TIRAP: variants seen among roughly 807,000 people sequenced by gnomAD.
TIRAP encodes the protein toll/interleukin-1 receptor domain-containing adapter protein.
In TIRAP, 20 loss-of-function variants were observed where a neutral mutation model predicts 19.8. The ratio of observed to expected loss-of-function variants is 1.01; its 90% CI spans 0.71 to 1.47. TIRAP has a LOEUF of 1.47. Among genes scored for constraint, TIRAP ranks in the 40% most tolerant of loss-of-function variants. The pLI, the probability that TIRAP is intolerant of heterozygous loss-of-function variation, is 0.00. For missense variants in TIRAP, 276 were observed against 285.1 expected, an observed-to-expected ratio of 0.97 and a Z score of 0.23; for synonymous variants, 125 against 121.7, an observed-to-expected ratio of 1.03 and a Z score of -0.18.
Position 126,293,719 on chromosome 11 carries a change from G to A in TIRAP, c.*32G>A. 1 of 1,613,766 alleles carries A rather than the reference G, an allele frequency of 6.2e-7. No individual in the cohort carries two copies. The highest frequency in any genetic ancestry group is 8.5e-7 in the Non-Finnish European group (1 of 1,179,666). ...TTATATCATGGGACCCCGGAAATTG[G>A]AGTGAAGCTAGAAACAGAAAACCCA... On this transcript the variant is annotated 3_prime_UTR_variant, in exon 5 of 5. Coordinates refer to ENST00000392679, the MANE Select transcript of TIRAP (RefSeq NM_001318777.2).
Position 126,291,286 on chromosome 11 carries a change from A to T in TIRAP, c.67+325A>T. The T allele has an allele frequency of 1.8e-6, 1 of 564,180 alleles. No individual in the cohort carries two copies. The highest frequency in any genetic ancestry group is 3.0e-6 in the Non-Finnish European group (1 of 328,806). The allele number at this position is 564,180 out of a possible 1,614,324, so 34.9% of individuals were successfully genotyped here. On this transcript the variant is annotated intron_variant, in intron 3 of 4. Transcript: ENST00000392679. The surrounding 1 kb of genome is among the most constrained non-coding windows in gnomAD (Gnocchi z 5.6). Reference sequence around the variant, plus strand: ...TCTTTGTTCCAGAACCATTTAGAGGAGAAGCCAAGCAGAGAGAGAAAATGA... The same window carrying T: ...TCTTTGTTCCAGAACCATTTAGAGGTGAAGCCAAGCAGAGAGAGAAAATGA...
intron 1 of TIRAP, 88 bp downstream of exon 1, chr11:126,283,241 G>A (rs1268812658): frequency 2.6e-6 from 2 of 768,230 alleles, no homozygotes; most frequent in Non-Finnish European, 3.2e-6. Context: ...CTGGGCCCCA[G>A]AGTCCCGGCC....
chr11:126,285,258 T>TATATATATAA (rs1358331308), intron 1 of TIRAP, among the ~76,000 whole-genome samples: 36 of 147,110 alleles, frequency 2.4e-4, no homozygotes, highest in African/African-American at 8.6e-4. Context: ...TATATATATA[T>TATATATATAA]ATAATATATA....
At chr11:126,285,243 G>GTGTGTGTATATATATATATATATA in intron 1 of TIRAP, among the ~76,000 whole-genome samples, 1,190 of 106,728 alleles carry the variant, frequency 0.011, 11 homozygotes, top group Non-Finnish European at 0.013. Context: ...GTGTGTGTGT[G>GTGTGTGTATATATATATATATATA]TATATATATA....
Position 126,290,038 on chromosome 11 carries a change from T to C in TIRAP, c.-216-424T>C, listed in dbSNP as rs772579622. Among the ~76,000 whole-genome samples the C allele has an allele frequency of 1.1e-4, 17 of 152,242 alleles. No individual in the cohort carries two copies. Among genetic ancestry groups the C allele is most frequent in the Non-Finnish European group, 1.8e-4 (12 of 68,050 alleles). On this transcript the variant is annotated intron_variant, in intron 1 of 4. Coordinates refer to ENST00000392679, the MANE Select transcript of TIRAP (RefSeq NM_001318777.2). This position sits in a 1 kb window ranked among gnomAD's most constrained non-coding sequence, Gnocchi z 4.9. ...TAATATACCCCTCCAATATCTAGATTATTTTATATACATAGTAGCCCACAT... is the reference window on the plus strand; with the variant it reads ...TAATATACCCCTCCAATATCTAGATCATTTTATATACATAGTAGCCCACAT...
At position 126,292,556 on chromosome 11, in the gene TIRAP, G is replaced by A; in HGVS notation, c.147G>A (p.Gln49=). Residue 49 remains glutamine, a synonymous_variant, in exon 4 of 5, where the codon CAG becomes CAA. Coordinates refer to ENST00000392679, the MANE Select transcript of TIRAP (RefSeq NM_001318777.2). The part of the protein sequence containing the change: ...SPESTSSDAS[Q]PTSQDSPLPP... ...AAAGCACCTCCAGCGATGCTTCACA[G>A]CCTACCTCACAGGACAGCCCACTAC... 6.2e-7 allele frequency: 1 copy of A among 1,614,128 alleles called. No individual in the cohort carries two copies.
At chr11:126,289,715 C>G (rs1951359136) in intron 1 of TIRAP, 2 of 985,352 alleles carry the variant, frequency 2.0e-6, no homozygotes, top group South Asian at 9.4e-5. Context: ...CAGCCTTTCA[C>G]AGGAGAAGTG....
At chr11:126,289,641 C>A (rs1951358640) in intron 1 of TIRAP, 2 of 985,072 alleles carry the variant, frequency 2.0e-6, no homozygotes, top group African/African-American at 3.5e-5. Flanking sequence ...TCCATGAGTT[C>A]TCAGGTTTGT....
rs2135289482 is a variant in TIRAP at position 126,290,799 on chromosome 11, G to A, written c.-92-4G>A. On this transcript the variant is annotated splice_region_variant and splice_polypyrimidine_tract_variant and intron_variant, in intron 2 of 4. Coordinates refer to ENST00000392679, the MANE Select transcript of TIRAP (RefSeq NM_001318777.2). This position sits in a 1 kb window ranked among gnomAD's most constrained non-coding sequence, Gnocchi z 4.9. The stretch of plus-strand genomic sequence containing the variant: ...TTGTGATTCTCTCTCTCTACCCTCT[G>A]TAGGATGGCTGCTCCATGAGGTCAA... 6 of 1,514,678 alleles carry A rather than the reference G, an allele frequency of 4.0e-6. 1 individual carries two copies. The highest frequency in any genetic ancestry group is 5.3e-6 in the Non-Finnish European group (6 of 1,134,732). The allele number at this position is 1,514,678 out of a possible 1,614,324, so 93.8% of individuals were successfully genotyped here.
At chr11:126,292,349 A>G (rs539337534) in intron 3 of TIRAP, 128 bp from the exon 4 acceptor site, 17 of 904,986 alleles carry the variant, frequency 1.9e-5, no homozygotes, top group African/African-American at 1.2e-4. Context: ...TGAGAATAAG[A>G]TGTTTCCCAG....
chr11:126,287,485 TA>T lies in TIRAP; in HGVS notation c.-216-2975del, dbSNP rs1951335263. ...ACAGGCACGCACCACCACGCTTAGC[TA>T]ATTTTTGTATTTTTAGTAGAGACAG... On this transcript the variant is annotated intron_variant, in intron 1 of 4. Coordinates refer to ENST00000392679, the MANE Select transcript of TIRAP (RefSeq NM_001318777.2). The surrounding 1 kb of genome is among the most constrained non-coding windows in gnomAD (Gnocchi z 4.2). 6.6e-6 allele frequency among the ~76,000 whole-genome samples: 1 copy of T among 151,958 alleles called. No homozygotes were observed. The highest frequency in any genetic ancestry group is 2.4e-5 in the African/African-American group (1 of 41,334).
Position 126,292,820 on chromosome 11 carries a change from G to A in TIRAP, c.411G>A (p.Leu137=). The change falls in exon 4 of 5, where the codon CTG becomes CTA. Residue 137 remains leucine, a synonymous_variant. Coordinates refer to ENST00000392679, the MANE Select transcript of TIRAP (RefSeq NM_001318777.2). The stretch of plus-strand genomic sequence containing the variant: ...TAGTGTCCGAGCTGTGCCAGGCACT[G>A]AGCAGTAGTCACTGCCGGGTGCTGC... ...GAIVSELCQA[L]SSSHCRVLLI... The A allele has an allele frequency of 6.2e-7, 1 of 1,612,908 alleles. No homozygotes were observed. The highest frequency in any genetic ancestry group is 8.5e-7 in the Non-Finnish European group (1 of 1,179,888).
At position 126,293,911 on chromosome 11, in the gene TIRAP, G is replaced by A; in HGVS notation, c.*224G>A. On this transcript the variant is annotated 3_prime_UTR_variant, in exon 5 of 5. Transcript: ENST00000392679. ...CTCCCCCAGGAAGGCCGTGAAGCTGGGGATTCCCCCTAGGAAAGCCATGAG... is the reference window on the plus strand; with the variant it reads ...CTCCCCCAGGAAGGCCGTGAAGCTGAGGATTCCCCCTAGGAAAGCCATGAG... 1 of 587,744 alleles carries A rather than the reference G, an allele frequency of 1.7e-6. No individual in the cohort carries two copies. The highest frequency in any genetic ancestry group is 2.0e-5 in the South Asian group (1 of 50,054). 36.4% of individuals were successfully genotyped at this position (587,744 alleles called of 1,614,324 possible).
In TIRAP at chr11:126,292,649, T is replaced by C; in HGVS notation, c.240T>C (p.Ser80=). The C allele has an allele frequency of 6.2e-7, 1 of 1,614,128 alleles. No homozygotes were observed. Among genetic ancestry groups the C allele is most frequent in the Middle Eastern group, 1.6e-4 (1 of 6,062 alleles). Residue 80 remains serine, a synonymous_variant, in exon 4 of 5, where the codon AGT becomes AGC. Transcript: ENST00000392679. ...CACATGCGAGTGACAGTGGCAGTAG[T>C]CGCTGGAGCAAAGACTATGACGTCT... is the stretch of plus-strand genomic sequence containing the variant. The part of the protein sequence containing the change: ...PPTHASDSGS[S]RWSKDYDVCV...
chr11:126,283,224 G>A, intron 1 of TIRAP, 71 bp downstream of exon 1: 2 of 856,964 alleles, frequency 2.3e-6, no homozygotes, highest in Non-Finnish European at 2.8e-6. Context: ...GACGGAGCGC[G>A]GCCGGCCTGG....
intron 1 of TIRAP, among the ~76,000 whole-genome samples, chr11:126,283,419 C>T (rs1464392490): frequency 6.6e-6 from 1 of 152,254 alleles, no homozygotes. Context: ...TCGCGCGGGG[C>T]GGCTCCCCTT....
chr11:126,294,485 G>A lies in TIRAP; in HGVS notation c.*798G>A, dbSNP rs1426609159. On this transcript the variant is annotated 3_prime_UTR_variant, in exon 5 of 5. Coordinates refer to ENST00000392679, the MANE Select transcript of TIRAP (RefSeq NM_001318777.2). Reference sequence around the variant, plus strand: ...CACCTGAGATCACAAGCCCATGGATGCTGTGACATCTGGGAGCTTCATCAG... The same window carrying A: ...CACCTGAGATCACAAGCCCATGGATACTGTGACATCTGGGAGCTTCATCAG... 2.2e-6 allele frequency: 1 copy of A among 456,194 alleles called. No individual in the cohort carries two copies. The highest frequency in any genetic ancestry group is 2.3e-5 in the Admixed American group (1 of 42,568). 28.3% of individuals were successfully genotyped at this position (456,194 alleles called of 1,614,324 possible). A position where few individuals can be genotyped will look rare whatever the true frequency, so the allele number is the denominator to read the frequency against.
rs757439874 is a variant in TIRAP, at chr11:126,292,933, C to G, written c.524C>G (p.Thr175Ser). ...GAGGCTCCAGGGGCCGAGGGCTGCA[C>G]CATCCCCCTGCTGTCGGGCCTCAGC... is the stretch of plus-strand genomic sequence containing the variant. The part of the protein sequence containing the change: ...LTEAPGAEGC[T>S]IPLLSGLSRA... The change falls in exon 4 of 5, where the codon ACC becomes AGC. Residue 175 changes from threonine to serine, a missense_variant. Coordinates refer to ENST00000392679, the MANE Select transcript of TIRAP (RefSeq NM_001318777.2). 3 of 1,613,912 alleles carry G rather than the reference C, an allele frequency of 1.9e-6. No individual in the cohort carries two copies. Among genetic ancestry groups the G allele is most frequent in the Non-Finnish European group, 2.5e-6 (3 of 1,179,964 alleles).
At chr11:126,286,711 A>G (rs999718477) in intron 1 of TIRAP, among the ~76,000 whole-genome samples, 1 of 152,228 alleles carries the variant, frequency 6.6e-6, no homozygotes, top group Non-Finnish European at 1.5e-5. Context: ...TTAGCACTCA[A>G]CTGAAATCCA....
Sources: gnomAD v4.1 joint callset for allele counts (sites outside exome capture counted in the v4.1 genomes callset) on GRCh38, gnomAD v4.1.1 for gene constraint, Gnocchi (gnomAD v3.1) non-coding constraint, MANE v1.5 for transcripts, NCBI Gene and HGNC (gene_info 2026-07-23, HGNC 2026-07-21) for gene names.